Variants in REDIC1 observed in about 807,000 individuals in gnomAD.
REDIC1 encodes regulator of DNA class I crossover intermediates 1.
the REDIC1 span, among the ~76,000 whole-genome samples, chr12:39,651,082 C>A: frequency 1.3e-5 from 2 of 152,092 alleles, no homozygotes. Flanking sequence ...CAGTGCCAAA[C>A]CCTATATATG....
chr12:39,714,287 A>G, the REDIC1 span, among the ~76,000 whole-genome samples: 2 of 144,650 alleles, frequency 1.4e-5, no homozygotes, highest in East Asian at 4.0e-4. Context: ...GTATATACGT[A>G]TATGCATGCA....
At chr12:39,718,390 C>T in the REDIC1 span, among the ~76,000 whole-genome samples, 1 of 152,100 alleles carries the variant, frequency 6.6e-6, no homozygotes, top group African/African-American at 2.4e-5. Context: ...AAGGCAGTCC[C>T]TTACTGGCAA....
At chr12:39,830,578 A>G in the REDIC1 span, 1 of 727,820 alleles carries the variant, frequency 1.4e-6, no homozygotes, top group South Asian at 5.4e-5. Flanking sequence ...CCTCATTGTG[A>G]TCCAGCCCTG....
the REDIC1 span, among the ~76,000 whole-genome samples, chr12:39,891,508 A>C: frequency 1.3e-5 from 2 of 152,294 alleles, no homozygotes; most frequent in Non-Finnish European, 2.9e-5. Flanking sequence ...TAATATATTT[A>C]CTCAACTCTA....
At chr12:39,745,491 G>A in the REDIC1 span, among the ~76,000 whole-genome samples, 1 of 152,156 alleles carries the variant, frequency 6.6e-6, no homozygotes, top group South Asian at 2.1e-4. Context: ...GGTAATAATA[G>A]TGTTTTGGAT....
the REDIC1 span, among the ~76,000 whole-genome samples, chr12:39,734,222 C>T: frequency 8.2e-3 from 1,242 of 152,276 alleles, 15 homozygotes; most frequent in African/African-American, 0.028. Flanking sequence ...TTCTGCTCGC[C>T]CTCCATGGGC....
chr12:39,867,485 A>C, the REDIC1 span, among the ~76,000 whole-genome samples: 2 of 152,136 alleles, frequency 1.3e-5, no homozygotes, highest in African/African-American at 2.4e-5. Context: ...CAAAAAAAAA[A>C]CTGTTAAGTC....
At chr12:39,759,483 C>T in the REDIC1 span, 1 of 152,884 alleles carries the variant, frequency 6.5e-6, no homozygotes, top group East Asian at 1.9e-4. Context: ...CAGCTGTGCC[C>T]TTGTAGGAGG....
the REDIC1 span, among the ~76,000 whole-genome samples, chr12:39,656,800 G>A: frequency 6.6e-6 from 1 of 151,794 alleles, no homozygotes; most frequent in Non-Finnish European, 1.5e-5. Context: ...TAACAAAAAA[G>A]GTTAAAAGTA....
chr12:39,724,425 G>A, the REDIC1 span, among the ~76,000 whole-genome samples: 3 of 152,038 alleles, frequency 2.0e-5, no homozygotes, highest in African/African-American at 4.8e-5. Flanking sequence ...TCCTCAGAAG[G>A]ATTAACCTTA....
the REDIC1 span, among the ~76,000 whole-genome samples, chr12:39,714,205 A>ATGCATATATGTATATATGTATATG: frequency 5.2e-3 from 193 of 37,156 alleles, 19 homozygotes; most frequent in Non-Finnish European, 0.01. Context: ...ATATGTATAT[A>ATGCATATATGTATATATGTATATG]CATGCATATA....
chr12:39,810,477 C>T, the REDIC1 span, among the ~76,000 whole-genome samples: 1 of 152,082 alleles, frequency 6.6e-6, no homozygotes, highest in Non-Finnish European at 1.5e-5. Flanking sequence ...TATGCCTTTT[C>T]TTGCCTTATT....
At chr12:39,793,282 A>T in the REDIC1 span, among the ~76,000 whole-genome samples, 1 of 152,154 alleles carries the variant, frequency 6.6e-6, no homozygotes, top group Admixed American at 6.6e-5. Context: ...CTGACAAAAG[A>T]CGTGCAAAAT....
At chr12:39,833,346 T>C in the REDIC1 span, among the ~76,000 whole-genome samples, 11 of 152,068 alleles carry the variant, frequency 7.2e-5, no homozygotes, top group African/African-American at 2.7e-4. Context: ...TATTTCGCCC[T>C]TTTTTTAAAT....
At chr12:39,746,872 G>C in the REDIC1 span, among the ~76,000 whole-genome samples, 1 of 152,242 alleles carries the variant, frequency 6.6e-6, no homozygotes. Flanking sequence ...GGTCCTGACT[G>C]TTAGAAGGAA....
the REDIC1 span, among the ~76,000 whole-genome samples, chr12:39,659,082 G>A: frequency 1.3e-5 from 2 of 151,704 alleles, no homozygotes; most frequent in African/African-American, 4.8e-5. Flanking sequence ...TAGATCTGCT[G>A]GTGATTAATG....
At chr12:39,866,147 CT>C in the REDIC1 span, among the ~76,000 whole-genome samples, 6 of 152,074 alleles carry the variant, frequency 3.9e-5, no homozygotes, top group African/African-American at 1.4e-4. Flanking sequence ...ATTAGTTAAG[CT>C]TGGAGGGAAT....
the REDIC1 span, among the ~76,000 whole-genome samples, chr12:39,851,111 G>T: frequency 6.6e-6 from 1 of 152,040 alleles, no homozygotes; most frequent in Admixed American, 6.6e-5. Flanking sequence ...TGTTGGCCAG[G>T]CTGGTCTCGA....
At chr12:39,645,140 C>T in the REDIC1 span, among the ~76,000 whole-genome samples, 1 of 151,942 alleles carries the variant, frequency 6.6e-6, no homozygotes, top group Non-Finnish European at 1.5e-5. Flanking sequence ...GGTTTTATGA[C>T]CTGCTTCAGG....
Sources: allele counts gnomAD v4.1 joint callset (sites outside exome capture counted in the v4.1 genomes callset), GRCh38; gene constraint gnomAD v4.1.1; transcripts MANE v1.5; gene names NCBI Gene and HGNC (gene_info 2026-07-23, HGNC 2026-07-21).